FCSK: variants seen among roughly 807,000 people sequenced by gnomAD.
FCSK encodes the protein L-fucose kinase.
Under a neutral mutation model 122.5 loss-of-function variants are expected in FCSK, and 123 were observed. The observed-to-expected ratio is 1.00, with a 90% confidence interval of 0.87 to 1.17. The LOEUF is 1.17. Ranked by LOEUF, FCSK falls within the 50% of genes most tolerant of loss-of-function variation. The pLI, the probability that FCSK is intolerant of heterozygous loss-of-function variation, is 0.00. For synonymous variants in FCSK, 620 were observed against 625.5 expected, an observed-to-expected ratio of 0.99 and a Z score of 0.13; for missense variants, 1,366 against 1,450.4, an observed-to-expected ratio of 0.94 and a Z score of 0.95.
Position 70,474,194 on chromosome 16 carries a change from G to A in FCSK, c.1843G>A (p.Gly615Ser). Reference sequence around the variant, plus strand: ...ACTGGCCTGTGTGGCGGACGTCCTGGGCTGCATGGCAGAGGGCCGTGGGGG... The same window carrying A: ...ACTGGCCTGTGTGGCGGACGTCCTGAGCTGCATGGCAGAGGGCCGTGGGGG... Reference protein sequence around the residue: ...RALACVADVLGCMAEGRGGLR... With the variant: ...RALACVADVLSCMAEGRGGLR... Residue 615 changes from glycine (G) to serine (S), a missense_variant, in exon 16 of 24, where the codon GGC becomes AGC. Coordinates refer to ENST00000288078, the MANE Select transcript of FCSK (RefSeq NM_145059.3). The A allele has an allele frequency of 6.3e-7, 1 of 1,574,950 alleles. No homozygotes were observed. The highest frequency in any genetic ancestry group is 8.6e-7 in the Non-Finnish European group (1 of 1,161,340).
chr16:70,475,324 C>T, intron 18 of FCSK, 26 bp from the exon 19 acceptor site: 5 of 1,606,690 alleles, frequency 3.1e-6, no homozygotes, highest in Non-Finnish European at 4.2e-6. Flanking sequence ...AGACTGAATT[C>T]CTTTCTCATG....
Position 70,473,296 on chromosome 16 carries a change from A to G in FCSK, c.1720A>G (p.Ile574Val). 1 of 1,528,090 alleles carries G rather than the reference A, an allele frequency of 6.5e-7. No individual in the cohort carries two copies. Among genetic ancestry groups the G allele is most frequent in the Non-Finnish European group, 8.8e-7 (1 of 1,138,098 alleles). The allele number at this position is 1,528,090 out of a possible 1,614,324, so 94.7% of individuals were successfully genotyped here. Reference protein sequence around the residue: ...ARQDLSLRPLIWAAVREGCPG... With the variant: ...ARQDLSLRPLVWAAVREGCPG... Reference sequence around the variant, plus strand: ...GCAGGACCTCAGCCTGCGCCCGCTGATCTGGGCTGCTGTCCGCGAGGGCTG... The same window carrying G: ...GCAGGACCTCAGCCTGCGCCCGCTGGTCTGGGCTGCTGTCCGCGAGGGCTG... The change falls in exon 15 of 24, where the codon ATC (isoleucine) becomes GTC (valine). Residue 574 changes from isoleucine (I) to valine (V), a missense_variant. Ile to Val is a conservative substitution (Grantham distance 29, BLOSUM62 3). Transcript: ENST00000288078. The surrounding 1 kb of genome is among the most constrained non-coding windows in gnomAD (Gnocchi z 4.9).
Position 70,470,437 on chromosome 16 carries a change from C to CA in FCSK, c.1068+11_1068+12insA. 6.5e-7 allele frequency: 1 copy of CA among 1,541,370 alleles called. No individual in the cohort carries two copies. The highest frequency in any genetic ancestry group is 8.9e-7 in the Non-Finnish European group (1 of 1,117,916). ...CACTCCCAGGTGGAGGTGAGACCTCCCTGCCCCTCCGGTGCCTGCTGGTTG... is the reference window on the plus strand; with the variant it reads ...CACTCCCAGGTGGAGGTGAGACCTCCACTGCCCCTCCGGTGCCTGCTGGTTG... On this transcript the variant is annotated intron_variant, in intron 11 of 23. Coordinates refer to ENST00000288078, the MANE Select transcript of FCSK (RefSeq NM_145059.3).
intron 1 of FCSK, among the ~76,000 whole-genome samples, chr16:70,455,221 T>A (rs896570171): frequency 7.9e-5 from 12 of 152,208 alleles, no homozygotes; most frequent in Non-Finnish European, 1.6e-4. Context: ...TTCTTAGTAC[T>A]TTATTCTATC....
intron 5 of FCSK, 109 bp downstream of exon 5, chr16:70,466,366 T>C (rs2151710103): frequency 7.2e-7 from 1 of 1,387,006 alleles, no homozygotes; most frequent in Non-Finnish European, 9.9e-7. Context: ...AGGAATGGTT[T>C]TGAGGGTGCC....
chr16:70,458,571 C>T (rs2048166565), intron 1 of FCSK, among the ~76,000 whole-genome samples: 2 of 151,880 alleles, frequency 1.3e-5, no homozygotes, highest in Admixed American at 6.6e-5. Context: ...GGTTCAGCCT[C>T]CCGAGTAACT....
chr16:70,474,557 A>T lies in FCSK; in HGVS notation c.2018A>T (p.His673Leu). The T allele has an allele frequency of 6.4e-7, 1 of 1,554,570 alleles. No homozygotes were observed. The highest frequency in any genetic ancestry group is 1.2e-5 in the South Asian group (1 of 84,502). ...GCCTTGCTGGTGCGAGCGGCCCGCC[A>T]CTATGAGGGGGCTGGTCAGATCCTG... ...RPALLVRAAR[H>L]YEGAGQILIR... The change falls in exon 17 of 24, where the codon CAC (histidine) becomes CTC (leucine). Residue 673 changes from histidine (H) to leucine (L), a missense_variant. By Grantham distance (99) the His-to-Leu change is moderately conservative. Transcript: ENST00000288078.
Position 70,474,180 on chromosome 16 carries a change from T to G in FCSK, c.1829T>G (p.Val610Gly). The G allele has an allele frequency of 6.4e-7, 1 of 1,563,314 alleles. No individual in the cohort carries two copies. Among genetic ancestry groups the G allele is most frequent in the Non-Finnish European group, 8.7e-7 (1 of 1,154,550 alleles). Residue 610 changes from valine to glycine, a missense_variant, in exon 16 of 24, where the codon GTG becomes GGG. Physicochemically the swap from Val to Gly is moderately radical, Grantham distance 109 (BLOSUM62 -3). Coordinates refer to ENST00000288078, the MANE Select transcript of FCSK (RefSeq NM_145059.3). ...PGVAARALAC[V>G]ADVLGCMAEG... is the part of the protein sequence containing the mutation. ...GTGGCGGCACGGGCACTGGCCTGTG[T>G]GGCGGACGTCCTGGGCTGCATGGCA...
At chr16:70,455,040 A>G (rs17883264) in intron 1 of FCSK, 2 of 152,164 alleles carry the variant, frequency 1.3e-5, no homozygotes, top group African/African-American at 2.4e-5. Flanking sequence ...ACAAATCTCA[A>G]TGATGTGCTC....
rs1235238786 is a variant in FCSK at position 70,456,765 on chromosome 16, A to C, written c.-23+2135A>C. Among the ~76,000 whole-genome samples, 5 of 152,220 alleles carry C rather than the reference A, an allele frequency of 3.3e-5. No homozygotes were observed. The East Asian group carries it at 9.6e-4, about 29-fold the overall frequency. ...GCTGGGCATGGTGGCTCACGCCTGT[A>C]ATCCCAGCACTTTGGGAGGCCGAGG... On this transcript the variant is annotated intron_variant, in intron 1 of 23. Coordinates refer to ENST00000288078, the MANE Select transcript of FCSK (RefSeq NM_145059.3).
intron 5 of FCSK, 112 bp downstream of exon 5, chr16:70,466,369 A>T (rs893632162): frequency 7.3e-7 from 1 of 1,364,918 alleles, no homozygotes; most frequent in Admixed American, 2.1e-5. Context: ...AATGGTTTTG[A>T]GGGTGCCTAA....
At position 70,474,541 on chromosome 16, in the gene FCSK, G is replaced by T. The variant is rs765063375; in HGVS notation, c.2002G>T (p.Val668Leu). ...DKWLSRPALL[V>L]RAARHYEGAG... is the part of the protein sequence containing the mutation. Reference sequence around the variant, plus strand: ...TTCTCTTGGCAGGCCAGCCTTGCTGGTGCGAGCGGCCCGCCACTATGAGGG... The same window carrying T: ...TTCTCTTGGCAGGCCAGCCTTGCTGTTGCGAGCGGCCCGCCACTATGAGGG... The change falls in exon 17 of 24, where the codon GTG (valine) becomes TTG (leucine). Residue 668 changes from valine (V) to leucine (L), a missense_variant. Physicochemically the swap from Val to Leu is conservative, Grantham distance 32. Transcript: ENST00000288078. 5 of 1,548,152 alleles carry T rather than the reference G, an allele frequency of 3.2e-6. No individual in the cohort carries two copies. Among genetic ancestry groups the T allele is most frequent in the Non-Finnish European group, 4.4e-6 (5 of 1,147,160 alleles).
At position 70,474,230 on chromosome 16, in the gene FCSK, G is replaced by A. The variant is rs757404478; in HGVS notation, c.1879G>A (p.Gly627Arg). Reference sequence around the variant, plus strand: ...AGAGGGCCGTGGGGGCTTGCGGAGCGGGCCAGCTGCCAACCCTGAGTGGAT... The same window carrying A: ...AGAGGGCCGTGGGGGCTTGCGGAGCAGGCCAGCTGCCAACCCTGAGTGGAT... ...MAEGRGGLRS[G>R]PAANPEWMRP... The change falls in exon 16 of 24, where the codon GGG becomes AGG. Residue 627 changes from glycine (G) to arginine (R), a missense_variant. By Grantham distance (125) the Gly-to-Arg change is moderately radical (BLOSUM62 -2). Transcript: ENST00000288078. 15 of 1,602,960 alleles carry A rather than the reference G, an allele frequency of 9.4e-6. No homozygotes were observed. Among genetic ancestry groups the A allele is most frequent in the Admixed American group, 3.4e-5 (2 of 58,304 alleles).
In FCSK at chr16:70,471,326, C is replaced by T; in HGVS notation, c.1315C>T (p.Leu439Phe). 1 of 1,594,630 alleles carries T rather than the reference C, an allele frequency of 6.3e-7. No individual in the cohort carries two copies. Among genetic ancestry groups the T allele is most frequent in the Non-Finnish European group, 8.6e-7 (1 of 1,169,530 alleles). The stretch of plus-strand genomic sequence containing the variant: ...CGGCTCCCCGGGCCACGCCTTCACC[C>T]TCGTTGGCCGTCTGGACAGCTGGGA... ...LHGSPGHAFTLVGRLDSWERQ... is the reference protein window; with the variant it reads ...LHGSPGHAFTFVGRLDSWERQ... Residue 439 changes from leucine (L) to phenylalanine (F), a missense_variant, in exon 13 of 24, where the codon CTC becomes TTC. Transcript: ENST00000288078.
rs140084649 is a variant in FCSK, at chr16:70,466,181, C to T, written c.335C>T (p.Pro112Leu). The T allele has an allele frequency of 5.4e-4, 875 of 1,613,890 alleles. 10 individuals are homozygous for T. In the East Asian group the frequency reaches 0.014, roughly 27 times the overall value. ...TGTGGCAGGGCTTTCACCTGCCTCC[C>T]CGTGGAGAACCCCGAGGCCCCCGTG... ...DDCGRAFTCL[P>L]VENPEAPVEA... The change falls in exon 5 of 24, where the codon CCC becomes CTC. Residue 112 changes from proline (P) to leucine (L), a missense_variant. Transcript: ENST00000288078.
rs772040460 is a variant in FCSK, at chr16:70,473,237, C to T, written c.1661C>T (p.Ala554Val). 4.7e-5 allele frequency: 72 copies of T among 1,535,204 alleles called. No individual in the cohort carries two copies. The highest frequency in any genetic ancestry group is 5.8e-5 in the Non-Finnish European group (67 of 1,145,634). The change falls in exon 15 of 24, where the codon GCC (alanine) becomes GTC (valine). Residue 554 changes from alanine (A) to valine (V), a missense_variant. Transcript: ENST00000288078. The surrounding 1 kb of genome is among the most constrained non-coding windows in gnomAD (Gnocchi z 4.9). ...ASRRDLFFRQ[A>V]LHKARHVLEA... The stretch of plus-strand genomic sequence containing the variant: ...CGCCGGGACCTGTTCTTCCGCCAGG[C>T]CCTGCATAAGGCGCGGCACGTGCTG...
At chr16:70,458,032 G>A (rs1028093624) in intron 1 of FCSK, 17 of 150,964 alleles carry the variant, frequency 1.1e-4, no homozygotes, top group African/African-American at 4.1e-4. Flanking sequence ...GAGATAATAG[G>A]AGATAATAAT....
At chr16:70,472,682 C>A in intron 14 of FCSK, 77 bp downstream of exon 14, 2 of 1,219,414 alleles carry the variant, frequency 1.6e-6, no homozygotes, top group Non-Finnish European at 2.3e-6. Context: ...GTGTCCCTCC[C>A]CTGCCCCAGA....
At position 70,463,214 on chromosome 16, in the gene FCSK, T is replaced by C; in HGVS notation, c.24T>C (p.Asp8=). 2 of 1,614,038 alleles carry C rather than the reference T, an allele frequency of 1.2e-6. No homozygotes were observed. The highest frequency in any genetic ancestry group is 2.2e-5 in the East Asian group (1 of 44,880). Reference sequence around the variant, plus strand: ...GAATGGAGCAGCCGAAGGGAGTTGATTGGACAGTCATCATCCTGACCTGCC... The same window carrying C: ...GAATGGAGCAGCCGAAGGGAGTTGACTGGACAGTCATCATCCTGACCTGCC... MEQPKGV[D]WTVIILTCQY... Residue 8 remains aspartate (D), a synonymous_variant, in exon 2 of 24, where the codon GAT becomes GAC. Transcript: ENST00000288078.
Sources: gnomAD v4.1 joint callset for allele counts (sites outside exome capture counted in the v4.1 genomes callset) on GRCh38, gnomAD v4.1.1 for gene constraint, Gnocchi (gnomAD v3.1) non-coding constraint, MANE v1.5 for transcripts, NCBI Gene and HGNC (gene_info 2026-07-23, HGNC 2026-07-21) for gene names.